The following RIMS2 variants were observed in gnomAD, a reference collection of about 807,000 sequenced individuals.
The protein encoded by RIMS2 is regulating synaptic membrane exocytosis protein 2.
In RIMS2, 59 loss-of-function variants were observed where a neutral mutation model predicts 174.4. That is an observed-to-expected ratio of 0.34 (90% CI 0.27 to 0.42). The LOEUF (loss-of-function observed/expected upper bound fraction) is 0.42. Ranked by LOEUF, RIMS2 falls within the 10% of genes least tolerant of loss-of-function variation. The pLI is 1.00. For missense variants in RIMS2, 1,620 were observed against 1,666.3 expected, an observed-to-expected ratio of 0.97 and a Z score of 0.48; for synonymous variants, 606 against 572.5, an observed-to-expected ratio of 1.06 and a Z score of -0.84.
At chr8:103,837,512 A>G (rs2098906306) in intron 3 of RIMS2, among the ~76,000 whole-genome samples, 1 of 152,112 alleles carries the variant, frequency 6.6e-6, no homozygotes, top group South Asian at 2.1e-4. Flanking sequence ...TCCTAATGCT[A>G]TCCCTCCCCC....
chr8:103,708,400 G>A (rs973055534), intron 2 of RIMS2, among the ~76,000 whole-genome samples: 1 of 152,160 alleles, frequency 6.6e-6, no homozygotes, highest in African/African-American at 2.4e-5. Context: ...GTTGGGTGAG[G>A]AGTGGTGTAG....
intron 3 of RIMS2, among the ~76,000 whole-genome samples, chr8:103,780,844 T>C (rs1007524090): frequency 6.6e-6 from 1 of 152,292 alleles, no homozygotes; most frequent in Non-Finnish European, 1.5e-5. Flanking sequence ...TATTCCAATC[T>C]TCCCTGTCTG....
rs565706226 is a variant in RIMS2 at position 103,583,178 on chromosome 8, A to T, written c.176+82116A>T. ...AGAATTCTCCTGGTTCTTGTTTTAG[A>T]TTCTCAAGGTGGTACCTCTATGAGT... On this transcript the variant is annotated intron_variant, in intron 1 of 23. Transcript: ENST00000504942. 2.6e-5 allele frequency among the ~76,000 whole-genome samples: 4 copies of T among 152,284 alleles called. No homozygotes were observed. The South Asian group carries it at 6.2e-4, about 24-fold the overall frequency.
intron 19 of RIMS2, among the ~76,000 whole-genome samples, chr8:104,115,229 A>G (rs78227916): frequency 0.022 from 3,351 of 152,198 alleles, 129 homozygotes; most frequent in African/African-American, 0.076. Flanking sequence ...TGTTTATTCA[A>G]TGAGGCGTTT....
intron 15 of RIMS2, among the ~76,000 whole-genome samples, chr8:103,968,210 C>T (rs570099879): frequency 6.6e-6 from 1 of 152,022 alleles, no homozygotes; most frequent in East Asian, 1.9e-4. Flanking sequence ...CATTTTTTTC[C>T]ATCCATTTAA....
At chr8:103,560,041 T>G (rs2091328902) in intron 1 of RIMS2, among the ~76,000 whole-genome samples, 2 of 152,178 alleles carry the variant, frequency 1.3e-5, no homozygotes, top group Admixed American at 1.3e-4. Context: ...AAGGAGACAT[T>G]ATTATTTCCA....
intron 19 of RIMS2, among the ~76,000 whole-genome samples, chr8:104,097,114 T>A (rs2097776313): frequency 6.6e-6 from 1 of 152,174 alleles, no homozygotes; most frequent in South Asian, 2.1e-4. Flanking sequence ...ATAATCTTAT[T>A]CTATACTACA....
intron 19 of RIMS2, among the ~76,000 whole-genome samples, chr8:104,054,264 C>T (rs954075505): frequency 2.0e-5 from 3 of 152,004 alleles, no homozygotes; most frequent in Admixed American, 6.6e-5. Context: ...AGGATACATT[C>T]CTTTGAATTC....
At chr8:103,806,603 G>A (rs765912513) in intron 3 of RIMS2, among the ~76,000 whole-genome samples, 1 of 151,822 alleles carries the variant, frequency 6.6e-6, no homozygotes, top group Non-Finnish European at 1.5e-5. Flanking sequence ...CATGGAAGGA[G>A]CATGATATTA....
intron 1 of RIMS2, among the ~76,000 whole-genome samples, chr8:103,660,640 G>C (rs1361990916): frequency 6.6e-6 from 1 of 152,204 alleles, no homozygotes; most frequent in East Asian, 1.9e-4. Context: ...ACGGAGTTGT[G>C]AAATGGTAAA....
intron 10 of RIMS2, among the ~76,000 whole-genome samples, chr8:103,926,023 T>C (rs1352899554): frequency 6.6e-6 from 1 of 151,554 alleles, no homozygotes; most frequent in Non-Finnish European, 1.5e-5. Flanking sequence ...TTTCAGAAGG[T>C]TGATTTCAGA....
At position 104,147,093 on chromosome 8, in the gene RIMS2, G is replaced by A. The variant is rs551742630; in HGVS notation, c.3335-97823G>A. Among the ~76,000 whole-genome samples, 76 of 152,106 alleles carry A rather than the reference G, an allele frequency of 5.0e-4. 1 individual carries two copies. Among genetic ancestry groups the A allele is most frequent in the Middle Eastern group, 6.8e-3 (2 of 294 alleles). On this transcript the variant is annotated intron_variant, in intron 19 of 23. Coordinates refer to ENST00000504942, the Ensembl canonical transcript of RIMS2. ...CTGTTAAACTTTGGCTCTTTTAAAC[G>A]ATAACAAGCCTTTTCTTTTTACTTT...
intron 2 of RIMS2, among the ~76,000 whole-genome samples, chr8:103,763,455 A>G (rs2098134271): frequency 6.6e-6 from 1 of 151,314 alleles, no homozygotes; most frequent in Non-Finnish European, 1.5e-5. Context: ...AAAAAAGAAG[A>G]AGGAAGAAAG....
chr8:103,607,411 C>T (rs1237530863), intron 1 of RIMS2, among the ~76,000 whole-genome samples: 3 of 151,878 alleles, frequency 2.0e-5, no homozygotes, highest in South Asian at 4.2e-4. Flanking sequence ...GTAACCCGAC[C>T]TTTCTCTCTG....
chr8:104,067,890 T>A (rs2097132398), intron 19 of RIMS2, among the ~76,000 whole-genome samples: 1 of 152,182 alleles, frequency 6.6e-6, no homozygotes, highest in Non-Finnish European at 1.5e-5. Context: ...TATTCTAATT[T>A]TTTTTATAAA....
chr8:103,832,312 G>A (rs3107465), intron 3 of RIMS2, among the ~76,000 whole-genome samples: 123,474 of 152,074 alleles, frequency 0.81, 50,609 homozygotes, highest in African/African-American at 0.92. Flanking sequence ...TGTTTTATGG[G>A]TTTTCTTCTA....
At chr8:103,869,768 A>T (rs1333606424) in intron 3 of RIMS2, among the ~76,000 whole-genome samples, 1 of 152,200 alleles carries the variant, frequency 6.6e-6, no homozygotes, top group Non-Finnish European at 1.5e-5. Context: ...GGAGGATTTT[A>T]AAAATGGGGT....
At chr8:103,801,634 C>G (rs947575871) in intron 3 of RIMS2, among the ~76,000 whole-genome samples, 27 of 152,272 alleles carry the variant, frequency 1.8e-4, no homozygotes, top group Admixed American at 1.4e-3. Flanking sequence ...CTCGTTGTCT[C>G]AGGCTGGACT....
chr8:103,826,319 A>G (rs1593233199), intron 3 of RIMS2, among the ~76,000 whole-genome samples: 1 of 148,572 alleles, frequency 6.7e-6, no homozygotes, highest in South Asian at 2.1e-4. Flanking sequence ...TCAGGCAACT[A>G]TCTTTTTTTT....
Sources: gnomAD v4.1 joint callset for allele counts (sites outside exome capture counted in the v4.1 genomes callset) on GRCh38, gnomAD v4.1.1 for gene constraint, MANE v1.5 for transcripts, NCBI Gene and HGNC (gene_info 2026-07-23, HGNC 2026-07-21) for gene names.